The following HS3ST4 variants were observed in gnomAD, a reference collection of about 807,000 sequenced individuals.
HS3ST4 encodes the protein heparan sulfate glucosamine 3-O-sulfotransferase 4.
In HS3ST4, 17 loss-of-function variants were observed where a neutral mutation model predicts 29.2. The observed-to-expected ratio is 0.58, with a 90% confidence interval of 0.40 to 0.87. The LOEUF (loss-of-function observed/expected upper bound fraction) is 0.87, where lower values mean the gene tolerates loss of function less well. Among genes scored for constraint, HS3ST4 ranks in the 40% least tolerant of loss-of-function variants. The pLI is 0.00. For missense variants in HS3ST4, 627 were observed against 634.5 expected (o/e 0.99, Z 0.13); for synonymous variants, 314 against 285.7 (o/e 1.10, Z -1.00).
At chr16:26,028,139 A>G (rs1969494205) in intron 1 of HS3ST4, among the ~76,000 whole-genome samples, 1 of 151,718 alleles carries the variant, frequency 6.6e-6, no homozygotes, top group African/African-American at 2.4e-5. Flanking sequence ...TGGGTGTAGT[A>G]GCAGGCGCCT....
chr16:25,958,350 GAGA>G (rs1236927445), intron 1 of HS3ST4, among the ~76,000 whole-genome samples: 1 of 151,914 alleles, frequency 6.6e-6, no homozygotes, highest in African/African-American at 2.4e-5. Context: ...TTTTTTCCTT[GAGA>G]AGGAGTCTTG....
chr16:26,024,751 C>T (rs958831663), intron 1 of HS3ST4, among the ~76,000 whole-genome samples: 6 of 152,012 alleles, frequency 3.9e-5, no homozygotes, highest in South Asian at 2.1e-4. Context: ...GTCTCATTTA[C>T]GTAGTGCTTT....
intron 1 of HS3ST4, among the ~76,000 whole-genome samples, chr16:25,852,116 A>G (rs866371599): frequency 3.3e-5 from 5 of 152,160 alleles, no homozygotes; most frequent in Non-Finnish European, 7.3e-5. Flanking sequence ...ATTCCAATGC[A>G]CTAAGGCTAG....
chr16:25,844,078 CAT>C (rs66472543), intron 1 of HS3ST4, among the ~76,000 whole-genome samples: 49,306 of 151,964 alleles, frequency 0.32, 8,978 homozygotes, highest in Non-Finnish European at 0.4. Context: ...AGATTTTTCA[CAT>C]GTTTGTTTTT....
intron 1 of HS3ST4, among the ~76,000 whole-genome samples, chr16:25,981,857 A>G (rs796563565): frequency 2.0e-5 from 3 of 152,294 alleles, no homozygotes; most frequent in African/African-American, 7.2e-5. Flanking sequence ...AAGAATACCT[A>G]CATTTCAGAT....
chr16:25,695,210 T>G (rs1315182135), intron 1 of HS3ST4, among the ~76,000 whole-genome samples: 3 of 152,168 alleles, frequency 2.0e-5, no homozygotes, highest in Non-Finnish European at 4.4e-5. Context: ...TGAAGAGGTG[T>G]GGATAGAACA....
intron 1 of HS3ST4, among the ~76,000 whole-genome samples, chr16:25,870,776 C>G (rs561212339): frequency 2.0e-5 from 3 of 152,166 alleles, no homozygotes; most frequent in African/African-American, 7.2e-5. Context: ...GAAACTCTTG[C>G]AATAGTTCAG....
intron 1 of HS3ST4, among the ~76,000 whole-genome samples, chr16:25,961,255 C>A (rs1968790389): frequency 6.6e-6 from 1 of 152,158 alleles, no homozygotes; most frequent in Non-Finnish European, 1.5e-5. Context: ...GTGTGGAAGG[C>A]AGGAGAATGT....
chr16:26,096,044 A>G (rs1898922109), intron 1 of HS3ST4, among the ~76,000 whole-genome samples: 1 of 152,188 alleles, frequency 6.6e-6, no homozygotes. Flanking sequence ...CTATACACAT[A>G]CACCCTCCCA....
intron 1 of HS3ST4, among the ~76,000 whole-genome samples, chr16:26,083,746 C>A (rs1345854519): frequency 6.6e-6 from 1 of 151,862 alleles, no homozygotes; most frequent in Non-Finnish European, 1.5e-5. Flanking sequence ...AAAAAATAAA[C>A]CAGGAAAGAG....
In HS3ST4 at chr16:25,970,699, G is replaced by T. The variant is rs185834796; in HGVS notation, c.735-164913G>T. On this transcript the variant is annotated intron_variant, in intron 1 of 1. Coordinates refer to ENST00000331351, the MANE Select transcript of HS3ST4 (RefSeq NM_006040.3). The stretch of plus-strand genomic sequence containing the variant: ...AAGTTTTTAATTTAAAAATATTTTT[G>T]GTAGAGATGGACACTTGCTTGTTGT... Among the ~76,000 whole-genome samples, 727 of 151,986 alleles carry T rather than the reference G, an allele frequency of 4.8e-3. 6 individuals are homozygous for T. The highest frequency in any genetic ancestry group is 0.017 in the African/African-American group (690 of 41,452).
At chr16:26,052,240 G>C (rs1898356774) in intron 1 of HS3ST4, among the ~76,000 whole-genome samples, 1 of 151,970 alleles carries the variant, frequency 6.6e-6, no homozygotes, top group African/African-American at 2.4e-5. Flanking sequence ...GACCCTTTTT[G>C]TCCAATCCTA....
chr16:25,753,665 C>T (rs1199806096), intron 1 of HS3ST4, among the ~76,000 whole-genome samples: 1 of 152,190 alleles, frequency 6.6e-6, no homozygotes, highest in Admixed American at 6.6e-5. Flanking sequence ...GCCTGTCTGG[C>T]TCTAATCCCC....
chr16:25,742,276 G>T (rs1036043564), intron 1 of HS3ST4, among the ~76,000 whole-genome samples: 6 of 152,158 alleles, frequency 3.9e-5, no homozygotes, highest in Non-Finnish European at 1.5e-5. Flanking sequence ...GTACGCAGAA[G>T]CTCCATGCAT....
In HS3ST4 at chr16:25,799,672, C is replaced by T. The variant is rs1023160936; in HGVS notation, c.734+106521C>T. Among the ~76,000 whole-genome samples, 70 of 152,266 alleles carry T rather than the reference C, an allele frequency of 4.6e-4. 1 individual carries two copies. Among genetic ancestry groups the T allele is most frequent in the Non-Finnish European group, 7.5e-4 (51 of 68,010 alleles). ...GGTGGTCTTGGGCATATGATTGAGA[C>T]TCTCACATGTTTCCTCATCTGTAAA... On this transcript the variant is annotated intron_variant, in intron 1 of 1. Transcript: ENST00000331351.
intron 1 of HS3ST4, among the ~76,000 whole-genome samples, chr16:25,865,239 A>C (rs1364851877): frequency 6.6e-6 from 1 of 152,164 alleles, no homozygotes; most frequent in Non-Finnish European, 1.5e-5. Flanking sequence ...TTTTTTCCAT[A>C]ATGGCTGTAC....
chr16:25,899,420 C>T (rs1305990301), intron 1 of HS3ST4, among the ~76,000 whole-genome samples: 2 of 152,214 alleles, frequency 1.3e-5, no homozygotes, highest in Admixed American at 6.5e-5. Context: ...ACCAGCTTTC[C>T]CTGAACCTAC....
chr16:25,741,167 G>A lies in HS3ST4; in HGVS notation c.734+48016G>A, dbSNP rs568864826. Among the ~76,000 whole-genome samples the A allele has an allele frequency of 4.0e-5, 6 of 151,896 alleles. No homozygotes were observed. In the South Asian group the frequency reaches 1.0e-3, roughly 26 times the overall value. On this transcript the variant is annotated intron_variant, in intron 1 of 1. Transcript: ENST00000331351. ...ACAAATCTTGAAACATGTATTGTAC[G>A]CAGACTTTTTTTGTGTCCTATTTTA... is the stretch of plus-strand genomic sequence containing the variant.
At chr16:25,709,816 TAA>T (rs1193099347) in intron 1 of HS3ST4, among the ~76,000 whole-genome samples, 1 of 152,192 alleles carries the variant, frequency 6.6e-6, no homozygotes, top group Non-Finnish European at 1.5e-5. Flanking sequence ...CAGAAATCAC[TAA>T]TTATTTATTT....
Sources: gnomAD v4.1 joint callset for allele counts (sites outside exome capture counted in the v4.1 genomes callset) on GRCh38, gnomAD v4.1.1 for gene constraint, MANE v1.5 for transcripts, NCBI Gene and HGNC (gene_info 2026-07-23, HGNC 2026-07-21) for gene names.